GRK2: variants seen among roughly 807,000 people sequenced by gnomAD.
GRK2 encodes the protein adrenergic beta receptor kinase 1.
GRK2 carries 23 observed loss-of-function variants against 97.8 expected under a neutral mutation model. That is an observed-to-expected ratio of 0.24 (90% CI 0.17 to 0.33). The LOEUF (loss-of-function observed/expected upper bound fraction) is 0.33, where lower values mean the gene tolerates loss of function less well. Among genes scored for constraint, GRK2 ranks in the 10% least tolerant of loss-of-function variants. The pLI is 1.00. For missense variants in GRK2, 633 were observed against 956.9 expected, an observed-to-expected ratio of 0.66 and a Z score of 4.47; for synonymous variants, 425 against 381.7, an observed-to-expected ratio of 1.11 and a Z score of -1.32.
intron 15 of GRK2, 33 bp from the exon 16 acceptor site, chr11:67,283,674 G>A: frequency 6.2e-7 from 1 of 1,609,660 alleles, no homozygotes; most frequent in Non-Finnish European, 8.5e-7. Context: ...CTCAGGGTGG[G>A]GCTGAGCCCA....
intron 4 of GRK2, 33 bp downstream of exon 4, chr11:67,279,552 C>G (rs371724456): frequency 1.9e-6 from 3 of 1,612,452 alleles, no homozygotes; most frequent in African/African-American, 2.7e-5. Context: ...GTGTGCTGGC[C>G]CAGAGTCACC....
In GRK2 at chr11:67,285,334, C is replaced by A. The variant is rs149954659; in HGVS notation, c.1954C>A (p.Arg652Ser). Reference sequence around the variant, plus strand: ...GAAGAAGGAGCTGCGCGACGCCTACCGCGAGGCCCAGCAGCTGGTGCAGCG... The same window carrying A: ...GAAGAAGGAGCTGCGCGACGCCTACAGCGAGGCCCAGCAGCTGGTGCAGCG... ...QWKKELRDAY[R>S]EAQQLVQRVP... The change falls in exon 21 of 21, where the codon CGC becomes AGC. Residue 652 changes from arginine to serine, a missense_variant. Coordinates refer to ENST00000308595, the MANE Select transcript of GRK2 (RefSeq NM_001619.5). 5.0e-6 allele frequency: 8 copies of A among 1,610,202 alleles called. No individual in the cohort carries two copies. The highest frequency in any genetic ancestry group is 6.8e-6 in the Non-Finnish European group (8 of 1,179,228).
At position 67,284,297 on chromosome 11, in the gene GRK2, C is replaced by T. The variant is rs757334023; in HGVS notation, c.1578C>T (p.Phe526=). ...RWQQEVAETV[F]DTINAETDRL... ...AGCAGGAGGTGGCAGAGACTGTCTTCGACACCATCAACGCTGAGACAGACC... is the reference window on the plus strand; with the variant it reads ...AGCAGGAGGTGGCAGAGACTGTCTTTGACACCATCAACGCTGAGACAGACC... The change falls in exon 18 of 21, where the codon TTC becomes TTT. Residue 526 remains phenylalanine (F), a synonymous_variant. Transcript: ENST00000308595. 2.5e-5 allele frequency: 41 copies of T among 1,613,320 alleles called. No homozygotes were observed. Among genetic ancestry groups the T allele is most frequent in the African/African-American group, 8.0e-5 (6 of 74,924 alleles).
chr11:67,281,000 C>G (rs1860136383), intron 7 of GRK2, 93 bp from the exon 8 acceptor site: 1 of 1,245,288 alleles, frequency 8.0e-7, no homozygotes, highest in African/African-American at 1.5e-5. Context: ...TATGGGGACC[C>G]TGGCATGGGG....
chr11:67,278,719 T>C (rs1860083354), intron 2 of GRK2, among the ~76,000 whole-genome samples: 1 of 152,214 alleles, frequency 6.6e-6, no homozygotes, highest in South Asian at 2.1e-4. Flanking sequence ...AGCCCCCTGC[T>C]AACCTTTTCC....
chr11:67,270,910 T>A (rs1021663556), intron 1 of GRK2: 8 of 152,232 alleles, frequency 5.3e-5, no homozygotes, highest in African/African-American at 1.9e-4. Context: ...AGGTGTCCTA[T>A]TAATGCACAA....
At chr11:67,284,184 TG>T in intron 17 of GRK2, 26 bp from the exon 18 acceptor site, 1 of 1,612,756 alleles carries the variant, frequency 6.2e-7, no homozygotes, top group African/African-American at 1.3e-5. Flanking sequence ...TCCACCCATG[TG>T]CCCCTGCCCC....
At position 67,269,783 on chromosome 11, in the gene GRK2, T is replaced by TC. The variant is rs199549649; in HGVS notation, c.113+2973dup. On this transcript the variant is annotated intron_variant, in intron 1 of 20. Transcript: ENST00000308595. The surrounding 1 kb of genome is among the most constrained non-coding windows in gnomAD (Gnocchi z 4.1). ...TGAGGTGGCCCACCTTGGCAGCCCCTCCATGGCTGGTGCCTGGGGATGTGT... is the reference window on the plus strand; with the variant it reads ...TGAGGTGGCCCACCTTGGCAGCCCCTCCCATGGCTGGTGCCTGGGGATGTGT... 5.1e-3 allele frequency among the ~76,000 whole-genome samples: 779 copies of TC among 152,280 alleles called. 3 individuals carry two copies. The highest frequency in any genetic ancestry group is 0.018 in the African/African-American group (760 of 41,554).
Position 67,281,112 on chromosome 11 carries a change from G to T in GRK2, c.575G>T (p.Ser192Ile), listed in dbSNP as rs1173761928. The T allele has an allele frequency of 1.2e-6, 2 of 1,613,344 alleles. No individual in the cohort carries two copies. Among genetic ancestry groups the T allele is most frequent in the East Asian group, 4.5e-5 (2 of 44,866 alleles). ...CCTCAGCTGACCATGAATGACTTCA[G>T]CGTGCATCGCATCATTGGGCGCGGG... ...LNIHLTMNDF[S>I]VHRIIGRGGF... is the part of the protein sequence containing the mutation. The change falls in exon 8 of 21, where the codon AGC (serine) becomes ATC (isoleucine). Residue 192 changes from serine to isoleucine, a missense_variant. By Grantham distance (142) the Ser-to-Ile change is moderately radical (BLOSUM62 -2). Around this residue, in one of 4 missense-constraint regions of GRK2, gnomAD observed 192 missense variants for 362.3 expected, o/e 0.53. Transcript: ENST00000308595. This position sits in a 1 kb window ranked among gnomAD's most constrained non-coding sequence, Gnocchi z 5.7.
In GRK2 at chr11:67,284,542, T is replaced by C. The variant is rs879406127; in HGVS notation, c.1654+169T>C. The C allele has an allele frequency of 1.1e-5, 9 of 834,926 alleles. No individual in the cohort carries two copies. In the South Asian group the frequency reaches 1.6e-4, roughly 15 times the overall value. 51.7% of individuals were successfully genotyped at this position (834,926 alleles called of 1,614,324 possible). ...GCTCACGCCTGTAATCCCAGCACTT[T>C]GGGAGGCCAAGGAGCGCAGATCACT... On this transcript the variant is annotated intron_variant, in intron 18 of 20. Coordinates refer to ENST00000308595, the MANE Select transcript of GRK2 (RefSeq NM_001619.5).
intron 17 of GRK2, 49 bp from the exon 18 acceptor site, chr11:67,284,158 TATTC>T: frequency 6.2e-7 from 1 of 1,605,922 alleles, no homozygotes; most frequent in Non-Finnish European, 8.5e-7. Flanking sequence ...TGGCTGATGG[TATTC>T]CGGCATCTCT....
intron 1 of GRK2, among the ~76,000 whole-genome samples, chr11:67,275,442 C>T (rs966025489): frequency 6.6e-5 from 10 of 152,214 alleles, no homozygotes; most frequent in Admixed American, 3.3e-4. Flanking sequence ...ACCCTTCTCC[C>T]GGTCCCCGAC....
At chr11:67,283,585 G>A (rs1378736048) in intron 15 of GRK2, 122 bp from the exon 16 acceptor site, 2 of 946,464 alleles carry the variant, frequency 2.1e-6, no homozygotes, top group Admixed American at 2.1e-5. Context: ...TTTGAGAGAT[G>A]AGGAAACAGC....
rs57767154 is a variant in GRK2, at chr11:67,274,495, C to CTTTTTTTTTTTTT, written c.114-2762_114-2750dup. Among the ~76,000 whole-genome samples, 43 of 22,468 alleles carry CTTTTTTTTTTTTT rather than the reference C, an allele frequency of 1.9e-3. 4 individuals are homozygous for CTTTTTTTTTTTTT. Among genetic ancestry groups the CTTTTTTTTTTTTT allele is most frequent in the African/African-American group, 3.2e-3 (27 of 8,516 alleles). The allele number at this position is 22,468 out of a possible 152,430, so 14.7% of individuals were successfully genotyped here. A position where few individuals can be genotyped will look rare whatever the true frequency, so the allele number is the denominator to read the frequency against. On this transcript the variant is annotated intron_variant, in intron 1 of 20. Transcript: ENST00000308595. ...TCGCTACCTTCCGCTTGACCAGCAC[C>CTTTTTTTTTTTTT]TTTTTTTTTTTTTTTTTTTTTTTTT...
intron 18 of GRK2, 115 bp from the exon 19 acceptor site, chr11:67,284,732 T>C (rs1860232818): frequency 2.2e-6 from 3 of 1,382,794 alleles, no homozygotes; most frequent in Non-Finnish European, 2.9e-6. Context: ...GAGGTTGCAG[T>C]GAGCCAAGAT....
chr11:67,279,424 A>G lies in GRK2; in HGVS notation c.271A>G (p.Lys91Glu), dbSNP rs1379428572. ...PLVEFYEEIK[K>E]YEKLETEEER... ...CAGGAATCCTGTCCTCCAGATCAAG[A>G]AGTACGAGAAGCTGGAGACGGAGGA... The change falls in exon 4 of 21, where the codon AAG (lysine) becomes GAG (glutamate). Residue 91 changes from lysine (K) to glutamate (E), a missense_variant. Coordinates refer to ENST00000308595, the MANE Select transcript of GRK2 (RefSeq NM_001619.5). The G allele has an allele frequency of 6.2e-7, 1 of 1,613,182 alleles. No individual in the cohort carries two copies. The highest frequency in any genetic ancestry group is 8.5e-7 in the Non-Finnish European group (1 of 1,179,992).
rs61759808 is a variant in GRK2 at position 67,271,194 on chromosome 11, C to T, written c.113+4382C>T. 6.6e-3 allele frequency among the ~76,000 whole-genome samples: 1,006 copies of T among 152,362 alleles called. 11 individuals are homozygous for T. Among genetic ancestry groups the T allele is most frequent in the African/African-American group, 0.022 (931 of 41,578 alleles). On this transcript the variant is annotated intron_variant, in intron 1 of 20. Coordinates refer to ENST00000308595, the MANE Select transcript of GRK2 (RefSeq NM_001619.5). ...CTTCCTGGGCCCCTTCCCTACTCCC[C>T]GCCGGCTCCCCATGGGTCAGTTTCC...
In GRK2 at chr11:67,276,816, G is replaced by A. The variant is rs1207968095; in HGVS notation, c.114-456G>A. On this transcript the variant is annotated intron_variant, in intron 1 of 20. Coordinates refer to ENST00000308595, the MANE Select transcript of GRK2 (RefSeq NM_001619.5). This position sits in a 1 kb window ranked among gnomAD's most constrained non-coding sequence, Gnocchi z 4.2. ...AACCCTTTGTGACTGGCTTCGTTCAGCCTCATGTTTTCAAGGCTCATCCAC... is the reference window on the plus strand; with the variant it reads ...AACCCTTTGTGACTGGCTTCGTTCAACCTCATGTTTTCAAGGCTCATCCAC... 6.4e-6 allele frequency: 1 copy of A among 155,632 alleles called. No individual in the cohort carries two copies. The highest frequency in any genetic ancestry group is 1.4e-5 in the Non-Finnish European group (1 of 69,792). 9.6% of individuals were successfully genotyped at this position (155,632 alleles called of 1,614,324 possible). A position where few individuals can be genotyped will look rare whatever the true frequency, so the allele number is the denominator to read the frequency against.
Position 67,281,407 on chromosome 11 carries a change from C to T in GRK2, c.648-52C>T, listed in dbSNP as rs1161461928. The T allele has an allele frequency of 4.6e-6, 7 of 1,537,358 alleles. No individual in the cohort carries two copies. Among genetic ancestry groups the T allele is most frequent in the South Asian group, 1.1e-5 (1 of 89,414 alleles). On this transcript the variant is annotated intron_variant, in intron 8 of 20. Coordinates refer to ENST00000308595, the MANE Select transcript of GRK2 (RefSeq NM_001619.5). This position sits in a 1 kb window ranked among gnomAD's most constrained non-coding sequence, Gnocchi z 5.7. ...TCCCTCAAGCGCCCCCTGAGGCAGCCCTGGGCCCCTGCTCTGAGGGTGGGT... is the reference window on the plus strand; with the variant it reads ...TCCCTCAAGCGCCCCCTGAGGCAGCTCTGGGCCCCTGCTCTGAGGGTGGGT...
Sources: allele counts gnomAD v4.1 joint callset (sites outside exome capture counted in the v4.1 genomes callset), GRCh38; gene constraint gnomAD v4.1.1; regional missense constraint gnomAD v4.1.1; non-coding constraint Gnocchi (gnomAD v3.1); transcripts MANE v1.5; gene names NCBI Gene and HGNC (gene_info 2026-07-23, HGNC 2026-07-21).